The following ULK4 variants were observed in gnomAD, a reference collection of about 807,000 sequenced individuals.
ULK4 encodes the protein inactive serine/threonine-protein kinase ULK4.
A neutral mutation model predicts 160.6 loss-of-function variants in ULK4; 133 were observed. The ratio of observed to expected loss-of-function variants is 0.83; its 90% confidence interval spans 0.72 to 0.96. The LOEUF (loss-of-function observed/expected upper bound fraction) is 0.96. ULK4 is among the 40% of genes least tolerant of loss of function. The pLI is 0.00. For synonymous variants in ULK4, 534 were observed against 539.8 expected (o/e 0.99, Z 0.15); for missense variants, 1,580 against 1,499.5 (o/e 1.05, Z -0.89).
intron 35 of ULK4, among the ~76,000 whole-genome samples, chr3:41,350,853 C>A (rs2080895307): frequency 6.6e-6 from 1 of 152,212 alleles, no homozygotes; most frequent in South Asian, 2.1e-4. Context: ...GACCAACCTT[C>A]AGGTTCTCTT....
intron 32 of ULK4, among the ~76,000 whole-genome samples, chr3:41,526,860 G>A (rs2086136150): frequency 6.6e-6 from 1 of 152,098 alleles, no homozygotes; most frequent in African/African-American, 2.4e-5. Context: ...TTTTACACAG[G>A]TGAGTATATG....
intron 35 of ULK4, among the ~76,000 whole-genome samples, chr3:41,391,574 C>A (rs1448168230): frequency 6.6e-6 from 1 of 151,654 alleles, no homozygotes; most frequent in Non-Finnish European, 1.5e-5. Flanking sequence ...GTTCTACAAC[C>A]CAACCTGGTA....
At chr3:41,540,533 A>AT (rs2086660794) in intron 32 of ULK4, among the ~76,000 whole-genome samples, 1 of 152,210 alleles carries the variant, frequency 6.6e-6, no homozygotes, top group African/African-American at 2.4e-5. Flanking sequence ...AATGATTTAT[A>AT]ATCCTTTGGG....
chr3:41,918,095 T>A (rs1040917068), intron 7 of ULK4, among the ~76,000 whole-genome samples: 1 of 152,164 alleles, frequency 6.6e-6, no homozygotes, highest in African/African-American at 2.4e-5. Context: ...ATGGTGAATT[T>A]GTTCCAACAG....
chr3:41,632,590 A>T (rs1221216990), intron 30 of ULK4, among the ~76,000 whole-genome samples: 1 of 152,202 alleles, frequency 6.6e-6, no homozygotes, highest in African/African-American at 2.4e-5. Flanking sequence ...AAGAGACAAC[A>T]GAATAACCTT....
intron 35 of ULK4, among the ~76,000 whole-genome samples, chr3:41,345,147 G>GA (rs1021987606): frequency 9.2e-5 from 14 of 152,166 alleles, no homozygotes; most frequent in Non-Finnish European, 2.1e-4. Context: ...AGATTGCAGA[G>GA]AAAAAGGAAC....
At chr3:41,883,727 T>G in intron 17 of ULK4, 147 bp downstream of exon 17, 1 of 734,156 alleles carries the variant, frequency 1.4e-6, no homozygotes, top group Non-Finnish European at 2.4e-6. Flanking sequence ...AGCCTAAAGG[T>G]CTGTTGAGGT....
chr3:41,764,943 T>C (rs1255050031), intron 21 of ULK4, among the ~76,000 whole-genome samples: 1 of 152,146 alleles, frequency 6.6e-6, no homozygotes, highest in Non-Finnish European at 1.5e-5. Flanking sequence ...ATAGGAACAC[T>C]TTTACACTGT....
At chr3:41,669,843 A>G (rs1441220391) in intron 29 of ULK4, among the ~76,000 whole-genome samples, 2 of 151,710 alleles carry the variant, frequency 1.3e-5, no homozygotes, top group African/African-American at 2.4e-5. Context: ...AACATAGACA[A>G]TAACAATACA....
chr3:41,667,580 CT>C (rs1387607409), intron 29 of ULK4, among the ~76,000 whole-genome samples: 1 of 152,148 alleles, frequency 6.6e-6, no homozygotes, highest in East Asian at 1.9e-4. Flanking sequence ...TCAGGGAAGA[CT>C]AACCAGTGAA....
At chr3:41,698,930 T>G (rs1343869381) in intron 27 of ULK4, among the ~76,000 whole-genome samples, 1 of 152,186 alleles carries the variant, frequency 6.6e-6, no homozygotes, top group African/African-American at 2.4e-5. Flanking sequence ...AACATTAAAT[T>G]TTTAAGATTT....
intron 35 of ULK4, among the ~76,000 whole-genome samples, chr3:41,318,995 G>A (rs2080197833): frequency 6.6e-6 from 1 of 152,110 alleles, no homozygotes; most frequent in South Asian, 2.1e-4. Context: ...TGGTGGATTT[G>A]GGAAAATAAA....
intron 35 of ULK4, among the ~76,000 whole-genome samples, chr3:41,255,356 G>A (rs1361952241): frequency 6.6e-6 from 1 of 152,126 alleles, no homozygotes. Context: ...GGTGGCACAA[G>A]CCTATAATCC....
chr3:41,611,109 T>C (rs931577236), intron 31 of ULK4, among the ~76,000 whole-genome samples: 8 of 152,244 alleles, frequency 5.3e-5, no homozygotes, highest in Non-Finnish European at 1.0e-4. Context: ...ACTCTTCTGA[T>C]GGCTCACATT....
intron 34 of ULK4, among the ~76,000 whole-genome samples, chr3:41,437,828 C>A (rs2083070780): frequency 6.6e-6 from 1 of 152,108 alleles, no homozygotes. Flanking sequence ...CACAGAAAGA[C>A]TTCTTGAAGG....
intron 17 of ULK4, chr3:41,859,585 T>C (rs2042448993): frequency 3.8e-6 from 2 of 530,264 alleles, no homozygotes; most frequent in Non-Finnish European, 7.6e-6. Context: ...CATGAGGCCA[T>C]AATATGCATG....
chr3:41,710,062 C>G (rs2125835041), intron 25 of ULK4, among the ~76,000 whole-genome samples: 1 of 152,228 alleles, frequency 6.6e-6, no homozygotes, highest in South Asian at 2.1e-4. Flanking sequence ...CCTTTCTCTT[C>G]CCTTGCGACT....
At chr3:41,553,775 C>T (rs1373804127) in intron 32 of ULK4, among the ~76,000 whole-genome samples, 2 of 124,814 alleles carry the variant, frequency 1.6e-5, no homozygotes, top group Non-Finnish European at 3.9e-5. Context: ...ATAACCACGT[C>T]AGAGTAAATG....
chr3:41,653,665 T>C (rs761116436), intron 30 of ULK4, among the ~76,000 whole-genome samples: 12 of 152,196 alleles, frequency 7.9e-5, no homozygotes, highest in South Asian at 2.1e-4. Context: ...CAGAAGTAAG[T>C]ATTTTAGGCT....
Sources: allele counts gnomAD v4.1 joint callset (sites outside exome capture counted in the v4.1 genomes callset), GRCh38; gene constraint gnomAD v4.1.1; transcripts MANE v1.5; gene names NCBI Gene and HGNC (gene_info 2026-07-23, HGNC 2026-07-21).